The following METTL9 variants were observed in gnomAD, a reference collection of about 807,000 sequenced individuals.
METTL9 encodes protein-L-histidine N-pros-methyltransferase.
In METTL9, 10 loss-of-function variants were observed where a neutral mutation model predicts 36.0. The observed-to-expected ratio is 0.28, with a 90% CI of 0.17 to 0.47. The LOEUF (loss-of-function observed/expected upper bound fraction) is 0.47, where lower values mean the gene tolerates loss of function less well. Among genes scored for constraint, METTL9 ranks in the 20% least tolerant of loss-of-function variants. The pLI, the probability that METTL9 is intolerant of heterozygous loss-of-function variation, is 0.99. For missense variants in METTL9, 246 were observed against 383.5 expected, an observed-to-expected ratio of 0.64 and a Z score of 3.00; for synonymous variants, 175 against 149.7, an observed-to-expected ratio of 1.17 and a Z score of -1.23.
chr16:21,652,664 A>C, intron 4 of METTL9: 4 of 1,280,084 alleles, frequency 3.1e-6, no homozygotes, highest in Admixed American at 1.9e-5. Flanking sequence ...TTTTTTCAGA[A>C]GGGAAGAAGA....
At chr16:21,632,170 G>T (rs568112927) in intron 4 of METTL9, among the ~76,000 whole-genome samples, 51 of 152,328 alleles carry the variant, frequency 3.3e-4, no homozygotes, top group Middle Eastern at 3.4e-3. Flanking sequence ...TTGCCTTGTG[G>T]TATTTAATGG....
intron 4 of METTL9, among the ~76,000 whole-genome samples, chr16:21,636,261 T>G (rs1231181361): frequency 6.6e-6 from 1 of 152,170 alleles, no homozygotes; most frequent in Admixed American, 6.5e-5. Flanking sequence ...TTAGGCCTGC[T>G]TTTCTAAGGA....
intron 4 of METTL9, chr16:21,644,513 G>T: frequency 1.5e-6 from 1 of 663,318 alleles, no homozygotes; most frequent in Non-Finnish European, 2.6e-6. Context: ...TACTCTGCTT[G>T]CCTATTCGTA....
intron 4 of METTL9, chr16:21,627,256 G>A (rs992850148): frequency 1.4e-5 from 14 of 984,672 alleles, no homozygotes; most frequent in African/African-American, 7.0e-5. Flanking sequence ...CTGGACTGTT[G>A]GAGGATATCT....
intron 2 of METTL9, among the ~76,000 whole-genome samples, chr16:21,617,453 C>G (rs944741569): frequency 9.4e-5 from 14 of 148,174 alleles, no homozygotes; most frequent in African/African-American, 3.5e-4. Flanking sequence ...TTAGGCCAGG[C>G]GCAGTGGCCC....
Position 21,599,897 on chromosome 16 carries a change from A to C in METTL9, c.164A>C (p.Gln55Pro). 1 of 1,445,200 alleles carries C rather than the reference A, an allele frequency of 6.9e-7. No homozygotes were observed. 89.5% of individuals were successfully genotyped at this position (1,445,200 alleles called of 1,614,324 possible). A position where few individuals can be genotyped will look rare whatever the true frequency, so the allele number is the denominator to read the frequency against. The change falls in exon 1 of 5, where the codon CAG becomes CCG. Residue 55 changes from glutamine to proline, a missense_variant and splice_region_variant. Physicochemically the swap from Gln to Pro is moderately conservative, Grantham distance 76 (BLOSUM62 -1). Coordinates refer to ENST00000358154, the MANE Select transcript of METTL9 (RefSeq NM_016025.5). This position sits in a 1 kb window ranked among gnomAD's most constrained non-coding sequence, Gnocchi z 4.4. ...AAAGGRKENH[Q>P]WYVCNREKLC... ...GCGGGCGGCAGGAAGGAGAACCACC[A>C]GGTACGGGCTGGGGCCGGGGCCGGG...
chr16:21,597,399 T>C, upstream of METTL9: 7 of 737,934 alleles, frequency 9.5e-6, no homozygotes, highest in Non-Finnish European at 1.4e-5. Context: ...TAGCATGGGT[T>C]TGAGTGTTTG....
rs1567347146 is a variant in METTL9 at position 21,647,354 on chromosome 16, C to T, written c.752-7873C>T. ...GTTCTCAGGCTGGTGAGCACCGTAG[C>T]GAAACCACAGGCATGTTGGTTGCTC... On this transcript the variant is annotated intron_variant, in intron 4 of 4. Coordinates refer to ENST00000358154, the MANE Select transcript of METTL9 (RefSeq NM_016025.5). 1.9e-5 allele frequency: 31 copies of T among 1,614,118 alleles called. No individual in the cohort carries two copies. The highest frequency in any genetic ancestry group is 2.7e-5 in the African/African-American group (2 of 75,012).
At chr16:21,623,840 G>A (rs554555597) in intron 3 of METTL9, among the ~76,000 whole-genome samples, 3 of 152,116 alleles carry the variant, frequency 2.0e-5, no homozygotes, top group South Asian at 4.2e-4. Context: ...ATGTGATCTC[G>A]GCTCACTGCA....
rs201144732 is a variant in METTL9, at chr16:21,634,838, G to A, written c.751+9723G>A. On this transcript the variant is annotated intron_variant, in intron 4 of 4. Transcript: ENST00000358154. ...GATTTTCTTCCTTTCCCTGAGTTAC[G>A]GTGGACAGCATTGAATAATTCATGG... 7.9e-5 allele frequency among the ~76,000 whole-genome samples: 12 copies of A among 152,250 alleles called. No individual in the cohort carries two copies. In the South Asian group the frequency reaches 1.2e-3, roughly 16 times the overall value.
At chr16:21,604,636 C>T (rs1965224941) in intron 1 of METTL9, among the ~76,000 whole-genome samples, 1 of 152,158 alleles carries the variant, frequency 6.6e-6, no homozygotes. Context: ...ATATTTACGC[C>T]TATGCTGTGC....
At position 21,655,858 on chromosome 16, in the gene METTL9, T is replaced by A. The variant is rs528059347; in HGVS notation, c.*426T>A. The stretch of plus-strand genomic sequence containing the variant: ...GGTTTTAAGGTATAGCCACTGATAT[T>A]CTTTCATGTTTAGAAATTCTTTCTG... On this transcript the variant is annotated 3_prime_UTR_variant, in exon 5 of 5. Transcript: ENST00000358154. 5 of 156,696 alleles carry A rather than the reference T, an allele frequency of 3.2e-5. No homozygotes were observed. The South Asian group carries it at 1.0e-3, about 31-fold the overall frequency. 9.7% of individuals were successfully genotyped at this position (156,696 alleles called of 1,614,324 possible). A position where few individuals can be genotyped will look rare whatever the true frequency, so the allele number is the denominator to read the frequency against.
At chr16:21,654,506 C>G (rs1212936721) in intron 4 of METTL9, 2 of 152,346 alleles carry the variant, frequency 1.3e-5, no homozygotes, top group South Asian at 4.1e-4. Flanking sequence ...GTCCCCTTGT[C>G]CCCCAGGCAT....
intron 3 of METTL9, among the ~76,000 whole-genome samples, chr16:21,619,892 G>C (rs1380860748): frequency 1.3e-5 from 2 of 152,140 alleles, no homozygotes; most frequent in Admixed American, 1.3e-4. Flanking sequence ...AAGAAATTAT[G>C]TAATCACTCA....
At position 21,655,947 on chromosome 16, in the gene METTL9, A is replaced by G. The variant is rs1370112179; in HGVS notation, c.*515A>G. 1 of 153,470 alleles carries G rather than the reference A, an allele frequency of 6.5e-6. No individual in the cohort carries two copies. The highest frequency in any genetic ancestry group is 1.5e-5 in the Non-Finnish European group (1 of 68,942). The allele number at this position is 153,470 out of a possible 1,614,324, so 9.5% of individuals were successfully genotyped here. A position where few individuals can be genotyped will look rare whatever the true frequency, so the allele number is the denominator to read the frequency against. ...CTTTTTTGGAGATGACTTTGGCATC[A>G]TGTTTGAATTCATATAAAGCTCCCC... is the stretch of plus-strand genomic sequence containing the variant. On this transcript the variant is annotated 3_prime_UTR_variant, in exon 5 of 5. Coordinates refer to ENST00000358154, the MANE Select transcript of METTL9 (RefSeq NM_016025.5).
intron 4 of METTL9, among the ~76,000 whole-genome samples, chr16:21,634,737 A>C (rs539962554): frequency 6.6e-6 from 1 of 152,144 alleles, no homozygotes; most frequent in Non-Finnish European, 1.5e-5. Context: ...TTTAGGATCA[A>C]TTGACCCTTG....
upstream of METTL9, chr16:21,597,923 T>C (rs1300705035): frequency 1.3e-5 from 2 of 152,416 alleles, no homozygotes; most frequent in East Asian, 3.8e-4. Context: ...GGGAGTATAT[T>C]GGAAAGAGAG....
intron 4 of METTL9, chr16:21,627,259 G>A: frequency 1.0e-6 from 1 of 984,822 alleles, no homozygotes; most frequent in Non-Finnish European, 1.2e-6. Flanking sequence ...GACTGTTGGA[G>A]GATATCTGAG....
At chr16:21,641,463 A>G in intron 4 of METTL9, 1 of 812,916 alleles carries the variant, frequency 1.2e-6, no homozygotes, top group Non-Finnish European at 2.0e-6. Flanking sequence ...ACCTGATGAT[A>G]TATGTTCATT....
Sources: gnomAD v4.1 joint callset for allele counts (sites outside exome capture counted in the v4.1 genomes callset) on GRCh38, gnomAD v4.1.1 for gene constraint, Gnocchi (gnomAD v3.1) non-coding constraint, MANE v1.5 for transcripts, NCBI Gene and HGNC (gene_info 2026-07-23, HGNC 2026-07-21) for gene names.